The following PDE11A variants were observed in gnomAD, a reference collection of about 807,000 sequenced individuals.
PDE11A encodes the protein phosphodiesterase 11A.
In PDE11A, 100 loss-of-function variants were observed where a neutral mutation model predicts 100.5. That is an observed-to-expected ratio of 1.00 (90% CI 0.85 to 1.18). The LOEUF (loss-of-function observed/expected upper bound fraction) is 1.18, where lower values mean the gene tolerates loss of function less well. PDE11A is among the 50% of genes most tolerant of loss of function. The probability of loss-of-function intolerance (pLI) is 0.00; values close to 1 mark genes in which losing one functional copy is unlikely to be tolerated. For missense variants in PDE11A, 1,141 were observed against 1,152.6 expected (o/e 0.99, Z 0.15); for synonymous variants, 381 against 420.8 (o/e 0.91, Z 1.16).
intron 15 of PDE11A, among the ~76,000 whole-genome samples, chr2:177,694,593 TA>T (rs1433129499): frequency 1.3e-5 from 2 of 152,174 alleles, no homozygotes; most frequent in Non-Finnish European, 2.9e-5. Flanking sequence ...CTCAGAGAAG[TA>T]AATAATTTAT....
intron 9 of PDE11A, among the ~76,000 whole-genome samples, chr2:177,777,391 A>G (rs1350359744): frequency 2.6e-5 from 4 of 152,202 alleles, no homozygotes; most frequent in African/African-American, 9.7e-5. Flanking sequence ...AGCATAGTCA[A>G]TCTTCAAGAG....
intron 15 of PDE11A, among the ~76,000 whole-genome samples, chr2:177,688,486 G>A (rs907944149): frequency 6.6e-6 from 1 of 152,196 alleles, no homozygotes; most frequent in Non-Finnish European, 1.5e-5. Flanking sequence ...GGCATTTTTA[G>A]AAGCATGAGG....
chr2:178,039,915 T>A (rs1024686774), intron 1 of PDE11A, among the ~76,000 whole-genome samples: 1 of 151,982 alleles, frequency 6.6e-6, no homozygotes, highest in Non-Finnish European at 1.5e-5. Flanking sequence ...GCATATTGTA[T>A]AGGAAAACAA....
intron 2 of PDE11A, among the ~76,000 whole-genome samples, chr2:177,929,222 G>GT (rs1052017028): frequency 5.1e-4 from 78 of 152,098 alleles, no homozygotes; most frequent in African/African-American, 1.7e-3. Context: ...GTGTGCACCA[G>GT]CCCACAGGGT....
At position 177,626,024 on chromosome 2, in the gene PDE11A, T is replaced by G. The variant is rs563162450; in HGVS notation, c.*3383A>C. On this transcript the variant is annotated 3_prime_UTR_variant, in exon 20 of 20. Transcript: ENST00000286063. The stretch of plus-strand genomic sequence containing the variant: ...TACAAACAGCTACTAGATTGATGGT[T>G]GACATTGTCAGGGCTCCACTGTATG... 1.1e-4 allele frequency: 17 copies of G among 152,672 alleles called. No homozygotes were observed. The highest frequency in any genetic ancestry group is 3.9e-4 in the African/African-American group (16 of 41,534). 9.5% of individuals were successfully genotyped at this position (152,672 alleles called of 1,614,324 possible).
intron 15 of PDE11A, among the ~76,000 whole-genome samples, chr2:177,682,359 C>G (rs2080878635): frequency 6.6e-6 from 1 of 152,212 alleles, no homozygotes; most frequent in African/African-American, 2.4e-5. Flanking sequence ...CGCCTTGGGC[C>G]TATGTTCTCA....
At chr2:177,996,770 C>T (rs2086080997) in intron 2 of PDE11A, among the ~76,000 whole-genome samples, 2 of 152,126 alleles carry the variant, frequency 1.3e-5, no homozygotes, top group Admixed American at 1.3e-4. Context: ...TACAGTTACC[C>T]TTCTCCATAT....
intron 7 of PDE11A, among the ~76,000 whole-genome samples, chr2:177,818,630 A>G (rs1176710513): frequency 6.6e-6 from 1 of 152,174 alleles, no homozygotes; most frequent in Non-Finnish European, 1.5e-5. Flanking sequence ...TACAAGCAAT[A>G]AAAGTTGATA....
intron 2 of PDE11A, among the ~76,000 whole-genome samples, chr2:177,909,596 T>C (rs1462362931): frequency 6.6e-6 from 1 of 152,228 alleles, no homozygotes; most frequent in East Asian, 1.9e-4. Flanking sequence ...TGTTAAGGCC[T>C]TCCAAATGTT....
chr2:178,068,496 A>T (rs765284003), intron 1 of PDE11A, among the ~76,000 whole-genome samples: 2 of 151,990 alleles, frequency 1.3e-5, no homozygotes, highest in Admixed American at 1.3e-4. Flanking sequence ...TTATTAAATG[A>T]TTAAATTTGG....
At chr2:177,773,816 C>G (rs2082344293) in intron 9 of PDE11A, among the ~76,000 whole-genome samples, 1 of 152,166 alleles carries the variant, frequency 6.6e-6, no homozygotes, top group African/African-American at 2.4e-5. Context: ...GTACATTGTT[C>G]TGAAGGACTG....
At chr2:177,849,010 AAC>A (rs2105643114) in intron 5 of PDE11A, among the ~76,000 whole-genome samples, 1 of 152,364 alleles carries the variant, frequency 6.6e-6, no homozygotes, top group African/African-American at 2.4e-5. Context: ...TTCTCAACAT[AAC>A]AGTTTACTTA....
intron 16 of PDE11A, among the ~76,000 whole-genome samples, chr2:177,678,631 C>T (rs2080814783): frequency 6.6e-6 from 1 of 152,094 alleles, no homozygotes; most frequent in African/African-American, 2.4e-5. Flanking sequence ...TAGAGCACCA[C>T]CCTTGGTGCA....
chr2:177,675,790 C>T (rs1574032943), intron 16 of PDE11A: 3 of 587,176 alleles, frequency 5.1e-6, no homozygotes, highest in Non-Finnish European at 9.7e-6. Flanking sequence ...GCACTACTTT[C>T]TGTACACCTG....
intron 1 of PDE11A, among the ~76,000 whole-genome samples, chr2:178,024,274 T>G (rs1358007769): frequency 6.6e-6 from 1 of 152,036 alleles, no homozygotes; most frequent in African/African-American, 2.4e-5. Context: ...TAGCCGGGCA[T>G]AGTGGTGCAC....
At chr2:177,659,280 A>G (rs2080439924) in intron 19 of PDE11A, among the ~76,000 whole-genome samples, 1 of 151,802 alleles carries the variant, frequency 6.6e-6, no homozygotes, top group South Asian at 2.1e-4. Flanking sequence ...AAAAAAAAAA[A>G]AAAAAAAAGT....
intron 1 of PDE11A, chr2:178,105,709 A>T: frequency 9.7e-7 from 1 of 1,030,290 alleles, no homozygotes. Context: ...ACCTGATGGC[A>T]TAGGTCTCAC....
chr2:177,980,086 T>C (rs927416525), intron 2 of PDE11A, among the ~76,000 whole-genome samples: 4 of 150,212 alleles, frequency 2.7e-5, no homozygotes, highest in African/African-American at 9.7e-5. Flanking sequence ...CTGCCATGAC[T>C]ATGGGTCACA....
chr2:177,788,467 CAAT>C (rs1187101161), intron 9 of PDE11A, among the ~76,000 whole-genome samples: 1 of 151,484 alleles, frequency 6.6e-6, no homozygotes, highest in Non-Finnish European at 1.5e-5. Flanking sequence ...CCTAACATCA[CAAT>C]TAAAAGAACT....
Sources: allele counts gnomAD v4.1 joint callset (sites outside exome capture counted in the v4.1 genomes callset), GRCh38; gene constraint gnomAD v4.1.1; transcripts MANE v1.5; gene names NCBI Gene and HGNC (gene_info 2026-07-23, HGNC 2026-07-21).